Variants in ZNF521 observed in about 807,000 individuals in gnomAD.
ZNF521 encodes zinc finger protein 521.
Under a neutral mutation model 105.5 loss-of-function variants are expected in ZNF521, and 14 were observed. The ratio of observed to expected loss-of-function variants is 0.13; its 90% CI spans 0.09 to 0.21. The LOEUF (loss-of-function observed/expected upper bound fraction) is 0.21, where lower values mean the gene tolerates loss of function less well. Ranked by LOEUF, ZNF521 falls within the 10% of genes least tolerant of loss-of-function variation. The probability of loss-of-function intolerance (pLI) is 1.00; values close to 1 mark genes in which losing one functional copy is unlikely to be tolerated. For missense variants in ZNF521, 1,233 were observed against 1,629.7 expected, an observed-to-expected ratio of 0.76 and a Z score of 4.19; for synonymous variants, 635 against 606.0, an observed-to-expected ratio of 1.05 and a Z score of -0.70.
At chr18:25,334,475 C>A (rs1568084686) in intron 2 of ZNF521, among the ~76,000 whole-genome samples, 1 of 152,252 alleles carries the variant, frequency 6.6e-6, no homozygotes, top group East Asian at 1.9e-4. Flanking sequence ...AGTTTTCTCA[C>A]CTATAAAATG....
chr18:25,062,620 T>C lies in ZNF521; in HGVS notation c.*92A>G. ...GGTACAATACAATGTTTCTGAATAA[T>C]ATACATTAACAATGAAAGTTTCGTG... On this transcript the variant is annotated 3_prime_UTR_variant, in exon 8 of 8. Coordinates refer to ENST00000361524, the MANE Select transcript of ZNF521 (RefSeq NM_015461.3). The C allele has an allele frequency of 1.4e-6, 2 of 1,431,976 alleles. No homozygotes were observed. The highest frequency in any genetic ancestry group is 9.6e-7 in the Non-Finnish European group (1 of 1,040,780). 88.7% of individuals were successfully genotyped at this position (1,431,976 alleles called of 1,614,324 possible).
At chr18:25,186,919 A>AAAG (rs2035733295) in intron 5 of ZNF521, among the ~76,000 whole-genome samples, 1 of 149,252 alleles carries the variant, frequency 6.7e-6, no homozygotes. Context: ...AAAAAAAAAA[A>AAAG]AAGAAAAAGA....
At position 25,225,718 on chromosome 18, in the gene ZNF521, T is replaced by C; in HGVS notation, c.2200A>G (p.Lys734Glu). 6.2e-7 allele frequency: 1 copy of C among 1,614,194 alleles called. No individual in the cohort carries two copies. The highest frequency in any genetic ancestry group is 8.5e-7 in the Non-Finnish European group (1 of 1,180,030). Residue 734 changes from lysine (K) to glutamate (E), a missense_variant, in exon 4 of 8, where the codon AAA (lysine) becomes GAA (glutamate). Around this residue, in one of 6 missense-constraint regions of ZNF521, gnomAD observed 614 missense variants for 751.5 expected, o/e 0.82. Coordinates refer to ENST00000361524, the MANE Select transcript of ZNF521 (RefSeq NM_015461.3). This position sits in a 1 kb window ranked among gnomAD's most constrained non-coding sequence, Gnocchi z 5.6. ...GCCAAGTGGAGCTGAATGGAGACTTTTGAGTCAAAAACTTCCTGGCAGAGG... is the reference window on the plus strand; with the variant it reads ...GCCAAGTGGAGCTGAATGGAGACTTCTGAGTCAAAAACTTCCTGGCAGAGG... Reference protein sequence around the residue: ...CTLCQEVFDSKVSIQLHLAVK... With the variant: ...CTLCQEVFDSEVSIQLHLAVK...
intron 4 of ZNF521, among the ~76,000 whole-genome samples, chr18:25,203,304 A>T (rs1374453355): frequency 6.6e-6 from 1 of 152,084 alleles, no homozygotes; most frequent in African/African-American, 2.4e-5. Context: ...CTAAAATGGG[A>T]ATAATTTTCT....
intron 3 of ZNF521, among the ~76,000 whole-genome samples, chr18:25,263,328 GAA>G (rs553238795): frequency 7.5e-5 from 11 of 146,790 alleles, no homozygotes; most frequent in African/African-American, 2.7e-4. Flanking sequence ...TCTGATTGAT[GAA>G]AAAAAAAAGT....
At chr18:25,139,067 C>T (rs957002794) in intron 5 of ZNF521, among the ~76,000 whole-genome samples, 2 of 152,166 alleles carry the variant, frequency 1.3e-5, no homozygotes, top group African/African-American at 4.8e-5. Flanking sequence ...TGTGCCTCCA[C>T]CAAGTTAGTA....
chr18:25,102,195 G>C (rs534247292), intron 5 of ZNF521, among the ~76,000 whole-genome samples: 159 of 152,196 alleles, frequency 1.0e-3, no homozygotes, highest in Non-Finnish European at 1.8e-3. Flanking sequence ...TGTGATATGG[G>C]ACACACGACT....
At chr18:25,124,874 G>A (rs1006264833) in intron 5 of ZNF521, among the ~76,000 whole-genome samples, 1 of 152,028 alleles carries the variant, frequency 6.6e-6, no homozygotes, top group African/African-American at 2.4e-5. Flanking sequence ...CAAATGTTTT[G>A]AGCTATATAA....
intron 5 of ZNF521, among the ~76,000 whole-genome samples, chr18:25,099,659 T>C (rs2033926747): frequency 6.6e-6 from 1 of 152,228 alleles, no homozygotes; most frequent in African/African-American, 2.4e-5. Context: ...GTCTGTATTC[T>C]CATGTTACAA....
chr18:25,180,670 G>A (rs1279072724), intron 5 of ZNF521, among the ~76,000 whole-genome samples: 1 of 152,112 alleles, frequency 6.6e-6, no homozygotes, highest in East Asian at 1.9e-4. Context: ...AATTCATAAA[G>A]ATTATTAAGT....
At chr18:25,314,626 C>G (rs2145121605) in intron 3 of ZNF521, among the ~76,000 whole-genome samples, 1 of 152,354 alleles carries the variant, frequency 6.6e-6, no homozygotes, top group East Asian at 1.9e-4. Flanking sequence ...ATCTGGTCTA[C>G]AAATGTTCCC....
intron 5 of ZNF521, among the ~76,000 whole-genome samples, chr18:25,093,517 G>A (rs967929787): frequency 2.6e-5 from 4 of 152,132 alleles, no homozygotes; most frequent in Admixed American, 6.6e-5. Flanking sequence ...GTAATACCAC[G>A]TCCCAATTAC....
At chr18:25,095,959 G>A (rs2033843378) in intron 5 of ZNF521, among the ~76,000 whole-genome samples, 1 of 152,104 alleles carries the variant, frequency 6.6e-6, no homozygotes, top group Non-Finnish European at 1.5e-5. Context: ...TGTCAGAGTG[G>A]GGCCTTTACC....
chr18:25,287,116 C>T (rs945744782), intron 3 of ZNF521, among the ~76,000 whole-genome samples: 1 of 152,060 alleles, frequency 6.6e-6, no homozygotes, highest in Non-Finnish European at 1.5e-5. Context: ...ACAGAATATC[C>T]TCAAAGAACA....
chr18:25,188,630 C>T (rs1490945499), intron 5 of ZNF521, among the ~76,000 whole-genome samples: 5 of 152,256 alleles, frequency 3.3e-5, no homozygotes, highest in Middle Eastern at 3.4e-3. Context: ...AGTGAAAAAC[C>T]GATACATTAG....
intron 7 of ZNF521, among the ~76,000 whole-genome samples, chr18:25,073,489 T>C (rs1212993256): frequency 2.6e-5 from 4 of 152,220 alleles, no homozygotes; most frequent in Non-Finnish European, 1.5e-5. Context: ...AGTTACACAC[T>C]GAAAGATGGT....
chr18:25,081,922 C>G (rs1489716277), intron 7 of ZNF521, among the ~76,000 whole-genome samples: 2 of 152,164 alleles, frequency 1.3e-5, no homozygotes, highest in Admixed American at 6.5e-5. Flanking sequence ...ATGTGATTAA[C>G]TTTCTGCCTT....
intron 5 of ZNF521, among the ~76,000 whole-genome samples, chr18:25,143,847 A>G (rs998091810): frequency 6.6e-6 from 1 of 152,162 alleles, no homozygotes; most frequent in Non-Finnish European, 1.5e-5. Context: ...TTACTAAGTG[A>G]TACAATCAGT....
chr18:25,275,677 A>G (rs1168653916), intron 3 of ZNF521, among the ~76,000 whole-genome samples: 1 of 152,200 alleles, frequency 6.6e-6, no homozygotes, highest in Non-Finnish European at 1.5e-5. Flanking sequence ...GCCAAGGTTT[A>G]GTGTTCTGCA....
Sources: gnomAD v4.1 joint callset for allele counts (sites outside exome capture counted in the v4.1 genomes callset) on GRCh38, gnomAD v4.1.1 for gene constraint, gnomAD v4.1.1 regional missense constraint, Gnocchi (gnomAD v3.1) non-coding constraint, MANE v1.5 for transcripts, NCBI Gene and HGNC (gene_info 2026-07-23, HGNC 2026-07-21) for gene names.